Variants in R3HDM2 observed in about 807,000 individuals in gnomAD.
R3HDM2 encodes the protein R3H domain containing 2.
Under a neutral mutation model 124.5 loss-of-function variants are expected in R3HDM2, and 38 were observed. That is an observed-to-expected ratio of 0.31 (90% CI 0.24 to 0.40). R3HDM2 has a LOEUF of 0.40. Ranked by LOEUF, R3HDM2 falls within the 10% of genes least tolerant of loss-of-function variation. The pLI, the probability that R3HDM2 is intolerant of heterozygous loss-of-function variation, is 1.00. For missense variants in R3HDM2, 869 were observed against 1,236.9 expected (o/e 0.70, Z 4.46); for synonymous variants, 391 against 448.0 (o/e 0.87, Z 1.61).
At chr12:57,383,297 A>G (rs1407835538) in intron 2 of R3HDM2, among the ~76,000 whole-genome samples, 1 of 152,134 alleles carries the variant, frequency 6.6e-6, no homozygotes, top group African/African-American at 2.4e-5. Flanking sequence ...TCCAACCTGG[A>G]GTGAGACCCT....
chr12:57,266,871 G>A, intron 18 of R3HDM2, 40 bp from the exon 19 acceptor site: 1 of 1,411,378 alleles, frequency 7.1e-7, no homozygotes, highest in Non-Finnish European at 9.8e-7. Context: ...AAGCAGTAGA[G>A]GGATGAACAC....
chr12:57,388,628 A>G (rs1166252458), intron 2 of R3HDM2, among the ~76,000 whole-genome samples: 1 of 152,110 alleles, frequency 6.6e-6, no homozygotes, highest in Non-Finnish European at 1.5e-5. Flanking sequence ...AGCTGGGTGC[A>G]GGAAGATTAT....
intron 14 of R3HDM2, 144 bp downstream of exon 14, chr12:57,280,214 C>T: frequency 1.1e-6 from 1 of 928,836 alleles, no homozygotes; most frequent in Non-Finnish European, 1.5e-6. Context: ...TTCCCTACAA[C>T]TAACAAATGA....
chr12:57,409,499 C>CT (rs899855488), intron 1 of R3HDM2, among the ~76,000 whole-genome samples: 45 of 138,976 alleles, frequency 3.2e-4, no homozygotes, highest in African/African-American at 1.2e-3. Flanking sequence ...AAAACTAGAG[C>CT]TGAGAGGTGG....
chr12:57,308,206 C>T (rs1056448870), intron 3 of R3HDM2, among the ~76,000 whole-genome samples: 1 of 151,736 alleles, frequency 6.6e-6, no homozygotes, highest in African/African-American at 2.4e-5. Flanking sequence ...AGGCACATGC[C>T]ACCATGCCCA....
At chr12:57,373,219 A>G (rs6581142) in intron 2 of R3HDM2, among the ~76,000 whole-genome samples, 148,214 of 152,304 alleles carry the variant, frequency 0.97, 72,251 homozygotes, top group Middle Eastern at 1. Context: ...AGTAATAACA[A>G]GCCGGGCGCG....
intron 1 of R3HDM2, among the ~76,000 whole-genome samples, chr12:57,424,353 G>C (rs926019922): frequency 6.6e-6 from 1 of 151,756 alleles, no homozygotes; most frequent in Non-Finnish European, 1.5e-5. Context: ...GCAGAGATGG[G>C]GTTTCATTAT....
At chr12:57,274,647 G>A (rs939396838) in intron 14 of R3HDM2, among the ~76,000 whole-genome samples, 1 of 152,138 alleles carries the variant, frequency 6.6e-6, no homozygotes, top group African/African-American at 2.4e-5. Context: ...TTACTCCACA[G>A]CTATCCTCAG....
chr12:57,352,518 A>G (rs2060798297), intron 2 of R3HDM2, among the ~76,000 whole-genome samples: 2 of 143,084 alleles, frequency 1.4e-5, no homozygotes, highest in South Asian at 4.5e-4. Context: ...TTTTAGATGG[A>G]TCATCACTCT....
chr12:57,302,150 G>A (rs1363988248), intron 4 of R3HDM2, among the ~76,000 whole-genome samples: 1 of 152,062 alleles, frequency 6.6e-6, no homozygotes, highest in Non-Finnish European at 1.5e-5. Flanking sequence ...GCCTAGTGGT[G>A]TGTGCCTGTA....
intron 2 of R3HDM2, among the ~76,000 whole-genome samples, chr12:57,360,090 G>A (rs1025942537): frequency 2.1e-5 from 3 of 143,484 alleles, no homozygotes; most frequent in Non-Finnish European, 3.0e-5. Flanking sequence ...GTGTAGTGGC[G>A]TGATCTCAGA....
chr12:57,254,577 A>G lies in R3HDM2; in HGVS notation c.*196T>C. 1 of 524,986 alleles carries G rather than the reference A, an allele frequency of 1.9e-6. No individual in the cohort carries two copies. The highest frequency in any genetic ancestry group is 3.3e-6 in the Non-Finnish European group (1 of 303,262). 32.5% of individuals were successfully genotyped at this position (524,986 alleles called of 1,614,324 possible). On this transcript the variant is annotated 3_prime_UTR_variant, in exon 24 of 24. Transcript: ENST00000402412. ...AGGGGGGTCAACCAGGGAAAAAGAGAGGACCCATGGCAGGGGAGCAAGAAG... is the reference window on the plus strand; with the variant it reads ...AGGGGGGTCAACCAGGGAAAAAGAGGGGACCCATGGCAGGGGAGCAAGAAG...
chr12:57,374,963 T>C (rs1486043184), intron 2 of R3HDM2, among the ~76,000 whole-genome samples: 1 of 149,330 alleles, frequency 6.7e-6, no homozygotes, highest in Non-Finnish European at 1.5e-5. Flanking sequence ...GCCACTGCAC[T>C]CCAGCCTGGG....
At position 57,291,155 on chromosome 12, in the gene R3HDM2, G is replaced by T. The variant is rs553561943; in HGVS notation, c.906+1417C>A. On this transcript the variant is annotated intron_variant, in intron 11 of 23. Coordinates refer to ENST00000402412, the MANE Select transcript of R3HDM2 (RefSeq NM_001394031.1). ...TCTTGGACTTTGGGCCAGAAAGTTT[G>T]CTGTATATCAGTTCCCAGTGAGGAT... Among the ~76,000 whole-genome samples, 26 of 152,264 alleles carry T rather than the reference G, an allele frequency of 1.7e-4. No individual in the cohort carries two copies. The South Asian group carries it at 4.6e-3, about 27-fold the overall frequency.
At chr12:57,257,257 G>A (rs1236056122) in intron 21 of R3HDM2, among the ~76,000 whole-genome samples, 2 of 152,152 alleles carry the variant, frequency 1.3e-5, no homozygotes, top group Non-Finnish European at 1.5e-5. Flanking sequence ...TAGTGGCTCT[G>A]TTACTGGAAA....
intron 13 of R3HDM2, among the ~76,000 whole-genome samples, chr12:57,283,117 A>G (rs990139421): frequency 2.0e-5 from 3 of 152,220 alleles, no homozygotes; most frequent in African/African-American, 7.2e-5. Context: ...GCTGGTATCA[A>G]TTAATTACAA....
chr12:57,324,390 G>A (rs1593276322), intron 2 of R3HDM2, among the ~76,000 whole-genome samples: 1 of 151,942 alleles, frequency 6.6e-6, no homozygotes, highest in African/African-American at 2.4e-5. Context: ...ACCATGTTGG[G>A]CAGGCTGGTC....
intron 2 of R3HDM2, among the ~76,000 whole-genome samples, chr12:57,375,070 TGACCA>T: frequency 6.7e-6 from 1 of 150,276 alleles, no homozygotes; most frequent in Non-Finnish European, 1.5e-5. Flanking sequence ...AAAAAAAAAA[TGACCA>T]GACCAGACAT....
chr12:57,286,921 C>G (rs2047482166), intron 12 of R3HDM2, among the ~76,000 whole-genome samples: 1 of 152,060 alleles, frequency 6.6e-6, no homozygotes, highest in African/African-American at 2.4e-5. Context: ...AGGGCTGCAC[C>G]TACTCAGTAG....
Sources: allele counts gnomAD v4.1 joint callset (sites outside exome capture counted in the v4.1 genomes callset), GRCh38; gene constraint gnomAD v4.1.1; transcripts MANE v1.5; gene names NCBI Gene and HGNC (gene_info 2026-07-23, HGNC 2026-07-21).